The following KRT8 variants were observed in gnomAD, a reference collection of about 807,000 sequenced individuals.
The protein encoded by KRT8 is keratin 8.
KRT8 carries 24 observed loss-of-function variants against 43.0 expected under a neutral mutation model. The ratio of observed to expected loss-of-function variants is 0.56; its 90% CI spans 0.40 to 0.78. The LOEUF (loss-of-function observed/expected upper bound fraction) is 0.78, where lower values mean the gene tolerates loss of function less well. Among genes scored for constraint, KRT8 ranks in the 30% least tolerant of loss-of-function variants. The pLI, the probability that KRT8 is intolerant of heterozygous loss-of-function variation, is 0.00. For synonymous variants in KRT8, 214 were observed against 261.2 expected (o/e 0.82, Z 1.74); for missense variants, 492 against 638.4 (o/e 0.77, Z 2.47).
At chr12:52,898,430 C>A in intron 7 of KRT8, 31 bp downstream of exon 7, 1 of 1,600,460 alleles carries the variant, frequency 6.2e-7, no homozygotes, top group Non-Finnish European at 8.5e-7. Flanking sequence ...CCCTGCCTCC[C>A]GCCCTCATCC....
chr12:52,930,149 AT>A (rs2120693459), intron 2 of KRT8, among the ~76,000 whole-genome samples: 1 of 152,192 alleles, frequency 6.6e-6, no homozygotes, highest in African/African-American at 2.4e-5. Context: ...CAGTGTTATT[AT>A]TGTTACTATT....
chr12:52,906,918 C>T, upstream of KRT8: 1 of 368,776 alleles, frequency 2.7e-6, no homozygotes, highest in East Asian at 7.3e-5. Flanking sequence ...ACCCAGAAGC[C>T]CCCTCCTTGG....
Position 52,898,882 on chromosome 12 carries a change from G to A in KRT8, c.999C>T (p.Ala333=), listed in dbSNP as rs7750. Reference sequence around the variant, plus strand: ...CACGCTGCTCGGCATCTGCAATGGCGGCCTCCAGGGAAGCCCTCTGTGGGG... The same window carrying A: ...CACGCTGCTCGGCATCTGCAATGGCAGCCTCCAGGGAAGCCCTCTGTGGGG... Residue 333 remains alanine (A), a synonymous_variant, in exon 6 of 8, where the codon GCC becomes GCT. Coordinates refer to ENST00000692008, the Ensembl canonical transcript of KRT8. 6,340 of 1,613,508 alleles carry A rather than the reference G, an allele frequency of 3.9e-3. 179 individuals are homozygous for A. The African/African-American group carries it at 0.067, about 17-fold the overall frequency.
At chr12:52,922,807 C>G (rs1333584880) in intron 2 of KRT8, among the ~76,000 whole-genome samples, 1 of 152,218 alleles carries the variant, frequency 6.6e-6, no homozygotes, top group Non-Finnish European at 1.5e-5. Context: ...AGAATTCCAC[C>G]CAGCTCTTCT....
At chr12:52,934,448 T>C (rs11170339) in intron 2 of KRT8, among the ~76,000 whole-genome samples, 21,919 of 151,894 alleles carry the variant, frequency 0.14, 2,369 homozygotes, top group East Asian at 0.49. Context: ...TAGTCCCAGC[T>C]ACTCGGAAGG....
At chr12:52,919,820 A>C (rs1001695353) in intron 2 of KRT8, among the ~76,000 whole-genome samples, 6 of 151,544 alleles carry the variant, frequency 4.0e-5, no homozygotes, top group African/African-American at 1.5e-4. Context: ...GGATAATTTT[A>C]GTATTTTTAG....
At chr12:52,910,274 C>T (rs1941608967), upstream of KRT8, among the ~76,000 whole-genome samples, 1 of 152,188 alleles carries the variant, frequency 6.6e-6, no homozygotes, top group South Asian at 2.1e-4. Flanking sequence ...GGTCGCACCC[C>T]GTCTGCATTT....
chr12:52,945,888 AC>A (rs1430726281), intron 2 of KRT8, among the ~76,000 whole-genome samples: 3 of 143,160 alleles, frequency 2.1e-5, no homozygotes, highest in Admixed American at 6.9e-5. Flanking sequence ...TCCCACCCCC[AC>A]CCCAGAACCC....
At chr12:52,904,872 C>A in exon 1 of KRT8, 1 of 1,612,784 alleles carries the variant, frequency 6.2e-7, no homozygotes, top group South Asian at 1.1e-5. Flanking sequence ...TCGGGAGAAG[C>A]TCGAGGAGCT....
At chr12:52,904,580 T>G in intron 1 of KRT8, 78 bp downstream of exon 1, 17 of 1,347,984 alleles carry the variant, frequency 1.3e-5, no homozygotes, top group Non-Finnish European at 1.6e-5. Context: ...AGCTGGGGGC[T>G]GGAGATGTGC....
upstream of KRT8, among the ~76,000 whole-genome samples, chr12:52,910,035 G>A (rs1403156466): frequency 6.6e-6 from 1 of 151,972 alleles, no homozygotes; most frequent in Non-Finnish European, 1.5e-5. Context: ...GCCTCCCAAA[G>A]TACTAGGGTT....
intron 2 of KRT8, chr12:52,947,708 T>TTTTC (rs1645761890): frequency 6.9e-6 from 1 of 144,922 alleles, no homozygotes; most frequent in East Asian, 2.1e-4. Flanking sequence ...AAATTTTTTT[T>TTTTC]TTTTTTTTTT....
At position 52,901,197 on chromosome 12, in the gene KRT8, G is replaced by C. The variant is rs761376065; in HGVS notation, c.556C>G (p.Arg186Gly). ...ACAAATTCGTTCTCCATCTCTGTAC[G>C]CTTATTGATCTCATCCTCATACCTG... The change falls in exon 3 of 8, where the codon CGT becomes GGT. Residue 186 changes from arginine to glycine, a missense_variant. Physicochemically the swap from Arg to Gly is moderately radical, Grantham distance 125 (BLOSUM62 -2). Transcript: ENST00000692008. 112 of 1,611,342 alleles carry C rather than the reference G, an allele frequency of 7.0e-5. No homozygotes were observed. Among genetic ancestry groups the C allele is most frequent in the Non-Finnish European group, 9.3e-5 (110 of 1,178,280 alleles).
At chr12:52,903,837 C>G (rs1941437516) in intron 1 of KRT8, among the ~76,000 whole-genome samples, 1 of 150,884 alleles carries the variant, frequency 6.6e-6, no homozygotes, top group Admixed American at 6.6e-5. Context: ...CAGGCCCTGG[C>G]GCCTCCTCCA....
upstream of KRT8, chr12:52,906,618 C>G (rs1216095346): frequency 6.7e-6 from 3 of 446,504 alleles, no homozygotes; most frequent in Non-Finnish European, 1.4e-5. Context: ...AGGTTTAGGT[C>G]CCCAAGGCAG....
intron 2 of KRT8, among the ~76,000 whole-genome samples, chr12:52,924,913 G>A (rs1286450287): frequency 1.3e-5 from 2 of 152,240 alleles, no homozygotes; most frequent in Non-Finnish European, 2.9e-5. Flanking sequence ...AGGGTAGACT[G>A]AAGGAAGGAC....
At position 52,901,863 on chromosome 12, in the gene KRT8, C is replaced by T. The variant is rs1357676513; in HGVS notation, c.533+1G>A. ...TTGGGTGGAGGGTGGGAGTTGCTCA[C>T]TTGTTCTTGAAGTCCTCCACCAGCC... On this transcript the variant is annotated splice_donor_variant, in intron 2 of 7. Transcript: ENST00000692008. LOFTEE classifies it high-confidence loss of function. 1.7e-5 allele frequency: 27 copies of T among 1,605,920 alleles called. No homozygotes were observed. The highest frequency in any genetic ancestry group is 2.2e-5 in the Non-Finnish European group (26 of 1,174,388).
chr12:52,915,075 A>G (rs970876059), intron 2 of KRT8, among the ~76,000 whole-genome samples: 32 of 152,008 alleles, frequency 2.1e-4, no homozygotes, highest in African/African-American at 4.6e-4. Context: ...GAGAAAGGGG[A>G]AAAAAAATGT....
At chr12:52,940,310 G>A (rs1335194497) in intron 2 of KRT8, among the ~76,000 whole-genome samples, 2 of 151,650 alleles carry the variant, frequency 1.3e-5, no homozygotes, top group Non-Finnish European at 2.9e-5. Flanking sequence ...GCTCATGCTT[G>A]TAGTCCCAGC....
Sources: allele counts gnomAD v4.1 joint callset (sites outside exome capture counted in the v4.1 genomes callset), GRCh38; gene constraint gnomAD v4.1.1; transcripts MANE v1.5; gene names NCBI Gene and HGNC (gene_info 2026-07-23, HGNC 2026-07-21).